The following RCC2 variants were observed in gnomAD, a reference collection of about 807,000 sequenced individuals.
RCC2 encodes the protein protein RCC2.
Under a neutral mutation model 64.1 loss-of-function variants are expected in RCC2, and 19 were observed. The observed-to-expected ratio is 0.30, with a 90% CI of 0.21 to 0.44. The LOEUF is 0.44. RCC2 is among the 20% of genes least tolerant of loss of function. RCC2 has a pLI of 1.00. For missense variants in RCC2, 508 were observed against 710.4 expected, an observed-to-expected ratio of 0.72 and a Z score of 3.24; for synonymous variants, 325 against 279.6, an observed-to-expected ratio of 1.16 and a Z score of -1.62.
At position 17,406,823 on chromosome 1, in the gene RCC2, A is replaced by C. The variant is rs2075365508; in HGVS notation, c.*2267T>G. On this transcript the variant is annotated 3_prime_UTR_variant, in exon 13 of 13. Transcript: ENST00000375436. ...TCCAAGAAATATATATATAAAAAAA[A>C]TAATAAGACAATTACAGCACTAAAC... The C allele has an allele frequency of 6.6e-6, 1 of 152,144 alleles. No homozygotes were observed. The allele number at this position is 152,144 out of a possible 1,614,324, so 9.4% of individuals were successfully genotyped here. A position where few individuals can be genotyped will look rare whatever the true frequency, so the allele number is the denominator to read the frequency against.
chr1:17,416,976 G>A (rs2075493950), intron 7 of RCC2, among the ~76,000 whole-genome samples: 2 of 152,138 alleles, frequency 1.3e-5, no homozygotes, highest in African/African-American at 4.8e-5. Flanking sequence ...GGTTGCAAAA[G>A]AAAACTTATT....
At chr1:17,437,605 G>C (rs1001029989) in intron 2 of RCC2, among the ~76,000 whole-genome samples, 4 of 6,572 alleles carry the variant, frequency 6.1e-4, no homozygotes, top group East Asian at 6.2e-3. Context: ...TCGGACCACC[G>C]GCGGCAAACA....
At chr1:17,430,589 CA>C (rs1175974510) in intron 2 of RCC2, among the ~76,000 whole-genome samples, 1 of 152,074 alleles carries the variant, frequency 6.6e-6, no homozygotes, top group Admixed American at 6.5e-5. Context: ...AGTTCAAGAC[CA>C]GCCTGGCCAA....
chr1:17,435,764 A>G (rs918816572), intron 2 of RCC2, among the ~76,000 whole-genome samples: 1 of 152,090 alleles, frequency 6.6e-6, no homozygotes, highest in Non-Finnish European at 1.5e-5. Flanking sequence ...TAAAAATACA[A>G]AAAATTAGCC....
At chr1:17,429,038 G>C in intron 3 of RCC2, 68 bp downstream of exon 3, 1 of 1,201,706 alleles carries the variant, frequency 8.3e-7, no homozygotes, top group Non-Finnish European at 1.2e-6. Flanking sequence ...ATACCTACCA[G>C]GCAGGTGGTC....
chr1:17,417,466 G>T (rs947201214), intron 7 of RCC2, among the ~76,000 whole-genome samples: 1 of 152,206 alleles, frequency 6.6e-6, no homozygotes. Flanking sequence ...TGAGGTGTTT[G>T]AGACCAGCCT....
intron 2 of RCC2, among the ~76,000 whole-genome samples, chr1:17,434,778 A>G (rs1407857755): frequency 6.6e-6 from 1 of 152,222 alleles, no homozygotes; most frequent in Non-Finnish European, 1.5e-5. Flanking sequence ...TGCTTGCTTG[A>G]TAGCAGGGGG....
At chr1:17,437,857 G>C (rs996845087) in intron 2 of RCC2, among the ~76,000 whole-genome samples, 1 of 146,050 alleles carries the variant, frequency 6.8e-6, no homozygotes, top group African/African-American at 2.5e-5. Flanking sequence ...CTTCCAGGCC[G>C]GGCGAACTTA....
At chr1:17,416,199 G>C (rs573936881) in intron 8 of RCC2, among the ~76,000 whole-genome samples, 39 of 152,178 alleles carry the variant, frequency 2.6e-4, no homozygotes, top group African/African-American at 9.2e-4. Context: ...GCCAAAAGCA[G>C]AAAGTGCTTA....
intron 2 of RCC2, among the ~76,000 whole-genome samples, chr1:17,436,363 G>C (rs2075735582): frequency 6.6e-6 from 1 of 152,164 alleles, no homozygotes; most frequent in African/African-American, 2.4e-5. Context: ...AATTATTCGG[G>C]TGTGGTGGAA....
At chr1:17,431,333 CA>C (rs1168877538) in intron 2 of RCC2, among the ~76,000 whole-genome samples, 267 of 9,670 alleles carry the variant, frequency 0.028, 21 homozygotes, top group East Asian at 0.096. Flanking sequence ...GACTCCATCT[CA>C]AAAAAAAAAA....
chr1:17,425,086 G>A (rs1385378978), intron 4 of RCC2, among the ~76,000 whole-genome samples: 3 of 152,188 alleles, frequency 2.0e-5, no homozygotes, highest in African/African-American at 4.8e-5. Flanking sequence ...GAGGGCCATG[G>A]CGGCAGGGAC....
rs578248236 is a variant in RCC2 at position 17,438,219 on chromosome 1, C to T, written c.285+11G>A. ...CCCTGCGCCCACCCGTCTACCCTGA[C>T]CCTCACTCACGACGCGCTCCTTGGT... On this transcript the variant is annotated intron_variant, in intron 2 of 12. Transcript: ENST00000375436. The T allele has an allele frequency of 1.7e-4, 222 of 1,283,080 alleles. 3 individuals are homozygous for T. The South Asian group carries it at 3.7e-3, about 21-fold the overall frequency. The allele number at this position is 1,283,080 out of a possible 1,614,324, so 79.5% of individuals were successfully genotyped here.
Position 17,429,269 on chromosome 1 carries a change from T to A in RCC2, c.286-70A>T, listed in dbSNP as rs1290860249. Reference sequence around the variant, plus strand: ...CACCTAGCTTTCCAAGGCTGTCCAATGACAGCACGAAACGAAAGAAAATCA... The same window carrying A: ...CACCTAGCTTTCCAAGGCTGTCCAAAGACAGCACGAAACGAAAGAAAATCA... On this transcript the variant is annotated intron_variant, in intron 2 of 12. Coordinates refer to ENST00000375436, the MANE Select transcript of RCC2 (RefSeq NM_018715.4). 5.8e-6 allele frequency: 7 copies of A among 1,214,638 alleles called. No individual in the cohort carries two copies. The African/African-American group carries it at 7.5e-5, about 13-fold the overall frequency. 75.2% of individuals were successfully genotyped at this position (1,214,638 alleles called of 1,614,324 possible). A position where few individuals can be genotyped will look rare whatever the true frequency, so the allele number is the denominator to read the frequency against.
chr1:17,410,124 C>G, intron 11 of RCC2, 73 bp from the exon 12 acceptor site: 1 of 1,351,422 alleles, frequency 7.4e-7, no homozygotes, highest in Non-Finnish European at 1.0e-6. Flanking sequence ...ATCACGGCAA[C>G]ATTTCCTGGC....
chr1:17,435,367 G>A (rs2075725457), intron 2 of RCC2, among the ~76,000 whole-genome samples: 1 of 152,242 alleles, frequency 6.6e-6, no homozygotes, highest in South Asian at 2.1e-4. Flanking sequence ...CTGGGCGGCT[G>A]CTTTCACACA....
intron 12 of RCC2, 53 bp from the exon 13 acceptor site, chr1:17,409,247 G>T: frequency 8.9e-7 from 1 of 1,125,910 alleles, no homozygotes; most frequent in Non-Finnish European, 1.4e-6. Flanking sequence ...ACTAATCAAT[G>T]CGTTGAAGAG....
At chr1:17,413,772 G>C in intron 8 of RCC2, 55 bp from the exon 9 acceptor site, 1 of 1,502,000 alleles carries the variant, frequency 6.7e-7, no homozygotes, top group Non-Finnish European at 9.1e-7. Context: ...CAGGCAACAA[G>C]AGGGGTCATC....
At chr1:17,431,499 C>CAAAAAAAAAAA (rs558362245) in intron 2 of RCC2, among the ~76,000 whole-genome samples, 1 of 57,904 alleles carries the variant, frequency 1.7e-5, no homozygotes, top group Non-Finnish European at 3.1e-5. Flanking sequence ...AGCCCTGTCT[C>CAAAAAAAAAAA]AAAAAAAAAA....
Sources: allele counts gnomAD v4.1 joint callset (sites outside exome capture counted in the v4.1 genomes callset), GRCh38; gene constraint gnomAD v4.1.1; transcripts MANE v1.5; gene names NCBI Gene and HGNC (gene_info 2026-07-23, HGNC 2026-07-21).